KCNQ3: variants seen among roughly 807,000 people sequenced by gnomAD.
KCNQ3 encodes potassium voltage-gated channel subfamily Q member 3.
Under a neutral mutation model 92.5 loss-of-function variants are expected in KCNQ3, and 30 were observed. That is an observed-to-expected ratio of 0.32 (90% CI 0.24 to 0.44). The LOEUF is 0.44. KCNQ3 is among the 20% of genes least tolerant of loss of function. The pLI, the probability that KCNQ3 is intolerant of heterozygous loss-of-function variation, is 1.00. For synonymous variants in KCNQ3, 450 were observed against 468.8 expected (o/e 0.96, Z 0.52); for missense variants, 913 against 1,140.3 (o/e 0.80, Z 2.87).
chr8:132,178,922 A>C (rs1211849988), intron 4 of KCNQ3, among the ~76,000 whole-genome samples: 1 of 149,648 alleles, frequency 6.7e-6, no homozygotes, highest in Non-Finnish European at 1.5e-5. Flanking sequence ...GTAATTATTG[A>C]GGAAATGGTC....
chr8:132,425,340 T>C (rs145373668), intron 1 of KCNQ3, among the ~76,000 whole-genome samples: 1 of 152,336 alleles, frequency 6.6e-6, no homozygotes, highest in Non-Finnish European at 1.5e-5. Context: ...GCAAGTAAAC[T>C]CCATCAATTA....
At chr8:132,294,481 A>C (rs1337773300) in intron 1 of KCNQ3, among the ~76,000 whole-genome samples, 1 of 152,216 alleles carries the variant, frequency 6.6e-6, no homozygotes, top group East Asian at 1.9e-4. Context: ...GGAAGAACAG[A>C]ATCAAGGCTT....
rs937476253 is a variant in KCNQ3, at chr8:132,355,336, C to T, written c.386+124811G>A. On this transcript the variant is annotated intron_variant, in intron 1 of 14. Transcript: ENST00000388996. ...CCTCTGTGCCTCCCCTCCACTCCAG[C>T]ACCATCACAGCCACCCTGATGACTG... Among the ~76,000 whole-genome samples, 91 of 152,024 alleles carry T rather than the reference C, an allele frequency of 6.0e-4. 1 individual carries two copies. Among genetic ancestry groups the T allele is most frequent in the African/African-American group, 1.9e-3 (80 of 41,396 alleles).
intron 8 of KCNQ3, 40 bp from the exon 9 acceptor site, chr8:132,163,534 C>G (rs764981394): frequency 6.6e-7 from 1 of 1,513,032 alleles, no homozygotes; most frequent in Non-Finnish European, 9.2e-7. Flanking sequence ...GCATAAATTA[C>G]GTGAAACAGC....
At chr8:132,405,674 T>C (rs2721895) in intron 1 of KCNQ3, among the ~76,000 whole-genome samples, 84,098 of 151,590 alleles carry the variant, frequency 0.55, 25,137 homozygotes, top group South Asian at 0.74. Context: ...AACTCTACGT[T>C]CAAAAACAAC....
intron 4 of KCNQ3, among the ~76,000 whole-genome samples, chr8:132,179,481 T>A (rs1470265687): frequency 6.6e-6 from 1 of 152,078 alleles, no homozygotes; most frequent in East Asian, 1.9e-4. Flanking sequence ...TTCTTGTCAG[T>A]GTAATGGAGT....
intron 1 of KCNQ3, among the ~76,000 whole-genome samples, chr8:132,380,358 C>T (rs1384648634): frequency 1.3e-5 from 2 of 152,196 alleles, no homozygotes; most frequent in African/African-American, 4.8e-5. Flanking sequence ...AGGCAAGCAT[C>T]TCAATGGCTA....
chr8:132,311,971 G>C lies in KCNQ3; in HGVS notation c.387-125790C>G, dbSNP rs540840036. ...TGATATCGTTATAAACAGAAGAGGA[G>C]AGGAGACACAGAAACTCAGAAGAAG... On this transcript the variant is annotated intron_variant, in intron 1 of 14. Coordinates refer to ENST00000388996, the MANE Select transcript of KCNQ3 (RefSeq NM_004519.4). Among the ~76,000 whole-genome samples the C allele has an allele frequency of 2.1e-3, 242 of 116,194 alleles. 3 individuals carry two copies. The highest frequency in any genetic ancestry group is 3.1e-3 in the Non-Finnish European group (158 of 50,532). The allele number at this position is 116,194 out of a possible 152,430, so 76.2% of individuals were successfully genotyped here. A position where few individuals can be genotyped will look rare whatever the true frequency, so the allele number is the denominator to read the frequency against.
intron 1 of KCNQ3, among the ~76,000 whole-genome samples, chr8:132,432,008 G>A (rs1821263784): frequency 1.3e-5 from 2 of 152,226 alleles, no homozygotes; most frequent in Admixed American, 6.5e-5. Flanking sequence ...GCAATTTAAA[G>A]CACATCTCCC....
intron 1 of KCNQ3, among the ~76,000 whole-genome samples, chr8:132,477,204 C>A (rs1003392242): frequency 6.6e-6 from 1 of 152,078 alleles, no homozygotes; most frequent in Non-Finnish European, 1.5e-5. Context: ...TCAGGTATTT[C>A]TTTATAGCAC....
At chr8:132,355,721 T>C (rs1819002302) in intron 1 of KCNQ3, among the ~76,000 whole-genome samples, 1 of 152,214 alleles carries the variant, frequency 6.6e-6, no homozygotes, top group Admixed American at 6.5e-5. Flanking sequence ...GCCCATCACA[T>C]GGTCTGCTGA....
intron 1 of KCNQ3, among the ~76,000 whole-genome samples, chr8:132,433,852 G>A (rs1270570871): frequency 6.7e-6 from 1 of 148,894 alleles, no homozygotes; most frequent in African/African-American, 2.5e-5. Context: ...GTCGTGCCAC[G>A]GCACTCCAGC....
At chr8:132,305,049 A>C (rs1381644919) in intron 1 of KCNQ3, among the ~76,000 whole-genome samples, 1 of 152,208 alleles carries the variant, frequency 6.6e-6, no homozygotes, top group Non-Finnish European at 1.5e-5. Context: ...TGCTCTGCTC[A>C]GTGCCTGGGA....
At chr8:132,186,535 T>C (rs1261725810) in intron 1 of KCNQ3, 1 of 369,018 alleles carries the variant, frequency 2.7e-6, no homozygotes, top group East Asian at 7.2e-5. Context: ...ATTAAGTATA[T>C]GAATTAATTA....
In KCNQ3 at chr8:132,126,472, A is replaced by G. The variant is rs1389622882; in HGVS notation, c.*2790T>C. ...CTGGAATATATTTTTTGGGGAACAA[A>G]AGGAGAATATCAAAGCAGAGTTATT... On this transcript the variant is annotated 3_prime_UTR_variant, in exon 15 of 15. Coordinates refer to ENST00000388996, the MANE Select transcript of KCNQ3 (RefSeq NM_004519.4). The G allele has an allele frequency of 6.6e-6, 1 of 152,198 alleles. No homozygotes were observed. The highest frequency in any genetic ancestry group is 1.5e-5 in the Non-Finnish European group (1 of 68,044). The allele number at this position is 152,198 out of a possible 1,614,324, so 9.4% of individuals were successfully genotyped here.
chr8:132,225,271 A>G (rs1210335133), intron 1 of KCNQ3, among the ~76,000 whole-genome samples: 1 of 152,226 alleles, frequency 6.6e-6, no homozygotes, highest in Non-Finnish European at 1.5e-5. Flanking sequence ...TTCCTGCTCA[A>G]AGGTAGAGGG....
chr8:132,366,405 C>T (rs1317924407), intron 1 of KCNQ3, among the ~76,000 whole-genome samples: 5 of 151,978 alleles, frequency 3.3e-5, no homozygotes, highest in Non-Finnish European at 7.4e-5. Flanking sequence ...ATAATTTTAC[C>T]TCTTCTTTCC....
At chr8:132,276,199 C>A (rs1361229421) in intron 1 of KCNQ3, among the ~76,000 whole-genome samples, 1 of 152,172 alleles carries the variant, frequency 6.6e-6, no homozygotes, top group Non-Finnish European at 1.5e-5. Flanking sequence ...CTAGCAGCTA[C>A]ATTTATTGTA....
Position 132,392,778 on chromosome 8 carries a change from C to A in KCNQ3, c.386+87369G>T, listed in dbSNP as rs1221361748. On this transcript the variant is annotated intron_variant, in intron 1 of 14. Transcript: ENST00000388996. ...CTGCACTCCAGCCTTGGGAACAAAG[C>A]AGAACCTGTCTCAAAAAAAAAAAAA... 2.2e-5 allele frequency among the ~76,000 whole-genome samples: 2 copies of A among 90,676 alleles called. 1 individual carries two copies. Among genetic ancestry groups the A allele is most frequent in the African/African-American group, 9.2e-5 (2 of 21,654 alleles). 59.5% of individuals were successfully genotyped at this position (90,676 alleles called of 152,430 possible).
Sources: gnomAD v4.1 joint callset for allele counts (sites outside exome capture counted in the v4.1 genomes callset) on GRCh38, gnomAD v4.1.1 for gene constraint, MANE v1.5 for transcripts, NCBI Gene and HGNC (gene_info 2026-07-23, HGNC 2026-07-21) for gene names.